The following COL6A6 variants were observed in gnomAD, a reference collection of about 807,000 sequenced individuals.
COL6A6 encodes collagen alpha-6(VI) chain.
Under a neutral mutation model 208.6 loss-of-function variants are expected in COL6A6, and 183 were observed. The ratio of observed to expected loss-of-function variants is 0.88; its 90% CI spans 0.78 to 0.99. COL6A6 has a LOEUF of 0.99. COL6A6 is among the 50% of genes least tolerant of loss of function. The pLI, the probability that COL6A6 is intolerant of heterozygous loss-of-function variation, is 0.00. For synonymous variants in COL6A6, 973 were observed against 1,011.8 expected, an observed-to-expected ratio of 0.96 and a Z score of 0.73; for missense variants, 2,816 against 2,815.2, an observed-to-expected ratio of 1.00 and a Z score of -0.01.
intron 1 of COL6A6, among the ~76,000 whole-genome samples, chr3:130,529,006 C>T (rs566558551): frequency 4.5e-4 from 68 of 152,232 alleles, no homozygotes; most frequent in African/African-American, 1.6e-3. Context: ...ACGAGAATGG[C>T]GTGAACCCGG....
intron 1 of COL6A6, among the ~76,000 whole-genome samples, chr3:130,550,530 C>T (rs2062618466): frequency 6.6e-6 from 1 of 152,180 alleles, no homozygotes; most frequent in South Asian, 2.1e-4. Flanking sequence ...ATTGCACTTA[C>T]AGTTCCACAT....
At chr3:130,649,649 G>A (rs1292273028) in intron 33 of COL6A6, 87 bp downstream of exon 33, 6 of 1,366,136 alleles carry the variant, frequency 4.4e-6, no homozygotes, top group Non-Finnish European at 5.8e-6. Context: ...TTCAAAATCA[G>A]GGCCATTTGT....
intron 2 of COL6A6, among the ~76,000 whole-genome samples, chr3:130,561,067 C>T (rs546976725): frequency 6.6e-6 from 1 of 152,308 alleles, no homozygotes; most frequent in South Asian, 2.1e-4. Context: ...AAACATCTTC[C>T]TTTGATGTAT....
intron 6 of COL6A6, among the ~76,000 whole-genome samples, chr3:130,569,432 C>A (rs2063107605): frequency 6.6e-6 from 1 of 152,138 alleles, no homozygotes. Context: ...AAAAGCTCAG[C>A]CAATATAAGG....
rs374002251 is a variant in COL6A6, at chr3:130,565,141, T to C, written c.809T>C (p.Leu270Pro). Residue 270 changes from leucine (L) to proline (P), a missense_variant, in exon 4 of 37, where the codon CTT becomes CCT. Leu to Pro is a moderately conservative substitution (Grantham distance 98). Transcript: ENST00000358511. ...DIKENCMRVGLVAYSNETKVI... is the reference protein window; with the variant it reads ...DIKENCMRVGPVAYSNETKVI... ...AAGGAAAATTGCATGAGGGTTGGCC[T>C]TGTGGCCTATAGCAATGAGACAAAA... 72 of 1,613,856 alleles carry C rather than the reference T, an allele frequency of 4.5e-5. No individual in the cohort carries two copies. Among genetic ancestry groups the C allele is most frequent in the Non-Finnish European group, 5.8e-5 (68 of 1,179,850 alleles).
chr3:130,635,624 G>C (rs754984032), intron 27 of COL6A6, 75 bp from the exon 28 acceptor site: 48 of 997,538 alleles, frequency 4.8e-5, no homozygotes, highest in Middle Eastern at 2.7e-4. Context: ...GTTAGAATCA[G>C]TTTAAAGATG....
At chr3:130,673,340 T>C (rs921175166) in intron 36 of COL6A6, among the ~76,000 whole-genome samples, 5 of 151,172 alleles carry the variant, frequency 3.3e-5, no homozygotes, top group African/African-American at 1.2e-4. Flanking sequence ...GGGGAAAAAA[T>C]ATAGCAATAT....
At chr3:130,648,166 T>C (rs938566172) in intron 32 of COL6A6, among the ~76,000 whole-genome samples, 1 of 152,254 alleles carries the variant, frequency 6.6e-6, no homozygotes, top group Non-Finnish European at 1.5e-5. Context: ...AATTAACACT[T>C]ACAGTAGAGT....
intron 6 of COL6A6, 41 bp downstream of exon 6, chr3:130,568,645 CAG>C: frequency 6.8e-7 from 1 of 1,476,520 alleles, no homozygotes; most frequent in South Asian, 1.3e-5. Flanking sequence ...ATCCGAACAA[CAG>C]ATGTCTTTTT....
intron 23 of COL6A6, among the ~76,000 whole-genome samples, chr3:130,617,891 G>A (rs1316380608): frequency 6.6e-6 from 1 of 152,112 alleles, no homozygotes; most frequent in African/African-American, 2.4e-5. Flanking sequence ...AAACTCCCAA[G>A]TGCAATCTCT....
intron 1 of COL6A6, among the ~76,000 whole-genome samples, chr3:130,539,064 C>T (rs2107739809): frequency 6.6e-6 from 1 of 152,312 alleles, no homozygotes; most frequent in South Asian, 2.1e-4. Flanking sequence ...GTAACCTTGC[C>T]ATCCTCAACA....
At chr3:130,669,019 T>C (rs1243073809) in intron 36 of COL6A6, among the ~76,000 whole-genome samples, 1 of 150,834 alleles carries the variant, frequency 6.6e-6, no homozygotes, top group African/African-American at 2.4e-5. Flanking sequence ...TTCTAACTTA[T>C]AAAGCAAGTG....
Position 130,566,780 on chromosome 3 carries a change from A to G in COL6A6, c.1361A>G (p.Glu454Gly). The G allele has an allele frequency of 6.2e-7, 1 of 1,614,014 alleles. No homozygotes were observed. Among genetic ancestry groups the G allele is most frequent in the Non-Finnish European group, 8.5e-7 (1 of 1,179,900 alleles). Residue 454 changes from glutamate (E) to glycine (G), a missense_variant, in exon 5 of 37, where the codon GAA becomes GGA. By Grantham distance (98) the Glu-to-Gly change is moderately conservative. Transcript: ENST00000358511. ...SGSTQATDFH[E>G]MKTFLSEVVG... The stretch of plus-strand genomic sequence containing the variant: ...AGCACCCAGGCCACAGATTTCCATG[A>G]AATGAAGACGTTCCTGTCAGAGGTG...
intron 18 of COL6A6, among the ~76,000 whole-genome samples, chr3:130,596,653 GGCTGTTTGGAATTTCCCATCTTGACGA>G (rs767279619): frequency 7.9e-5 from 12 of 152,164 alleles, no homozygotes; most frequent in Non-Finnish European, 1.3e-4. Context: ...AAGTGCATTT[GGCTGTTTGGAATTTCCCATCTTGACGA>G]GCTGTTTGGA....
intron 31 of COL6A6, among the ~76,000 whole-genome samples, chr3:130,643,826 A>G (rs1196359918): frequency 1.3e-5 from 2 of 152,240 alleles, no homozygotes; most frequent in Non-Finnish European, 2.9e-5. Context: ...ATTTCAGTAG[A>G]GAACATTGGT....
intron 11 of COL6A6, among the ~76,000 whole-genome samples, chr3:130,587,665 T>G (rs1034685290): frequency 6.6e-6 from 1 of 152,250 alleles, no homozygotes; most frequent in Non-Finnish European, 1.5e-5. Flanking sequence ...GCTTATAACT[T>G]ATAAAATCTT....
In COL6A6 at chr3:130,676,753, A is replaced by G. The variant is rs896682551; in HGVS notation, c.*1356A>G. On this transcript the variant is annotated 3_prime_UTR_variant, in exon 37 of 37. Coordinates refer to ENST00000358511, the MANE Select transcript of COL6A6 (RefSeq NM_001102608.3). Reference sequence around the variant, plus strand: ...CAGTGATAGCACCTCATGTCTTCAGAGGAGCAAGAAGTTCAAGGAGTTAAA... The same window carrying G: ...CAGTGATAGCACCTCATGTCTTCAGGGGAGCAAGAAGTTCAAGGAGTTAAA... 1.3e-5 allele frequency: 2 copies of G among 152,230 alleles called. No homozygotes were observed. The highest frequency in any genetic ancestry group is 2.4e-5 in the African/African-American group (1 of 41,454). 9.4% of individuals were successfully genotyped at this position (152,230 alleles called of 1,614,324 possible).
chr3:130,593,173 A>T (rs1197463041), intron 16 of COL6A6, 26 bp from the exon 17 acceptor site: 3 of 1,612,336 alleles, frequency 1.9e-6, no homozygotes, highest in East Asian at 2.2e-5. Context: ...GAATTCTATT[A>T]ATAGCTTTCC....
rs376651026 is a variant in COL6A6, at chr3:130,574,221, T to G, written c.3243T>G (p.Ala1081=). ...KQIFGNTHIG[A]ALREVEHYFR... ...TCTTTGGAAACACACACATCGGTGC[T>G]GCACTCAGGGAGGTGGAACATTACT... Residue 1081 remains alanine, a synonymous_variant, in exon 8 of 37, where the codon GCT becomes GCG. Transcript: ENST00000358511. 154 of 1,614,020 alleles carry G rather than the reference T, an allele frequency of 9.5e-5. No homozygotes were observed. In the African/African-American group the frequency reaches 1.6e-3, roughly 17 times the overall value.
Sources: allele counts gnomAD v4.1 joint callset (sites outside exome capture counted in the v4.1 genomes callset), GRCh38; gene constraint gnomAD v4.1.1; transcripts MANE v1.5; gene names NCBI Gene and HGNC (gene_info 2026-07-23, HGNC 2026-07-21).